Variants in R3HDM1 observed in about 807,000 individuals in gnomAD.
R3HDM1 encodes R3H domain-containing protein 1.
R3HDM1 carries 46 observed loss-of-function variants against 141.1 expected under a neutral mutation model. The ratio of observed to expected loss-of-function variants is 0.33; its 90% CI spans 0.26 to 0.42. The LOEUF (loss-of-function observed/expected upper bound fraction) is 0.42. R3HDM1 is among the 10% of genes least tolerant of loss of function. The pLI is 1.00. For synonymous variants in R3HDM1, 435 were observed against 472.9 expected (o/e 0.92, Z 1.04); for missense variants, 1,184 against 1,368.3 (o/e 0.87, Z 2.12).
intron 1 of R3HDM1, among the ~76,000 whole-genome samples, chr2:135,560,184 T>G (rs1701539669): frequency 6.6e-6 from 1 of 152,204 alleles, no homozygotes. Context: ...TTCTTAGGAT[T>G]TATTAGTAAC....
intron 5 of R3HDM1, among the ~76,000 whole-genome samples, chr2:135,617,971 G>A (rs1018761404): frequency 6.6e-5 from 10 of 152,036 alleles, no homozygotes; most frequent in African/African-American, 2.2e-4. Context: ...ACCCTCAAAA[G>A]CCTATTACAG....
At chr2:135,596,907 C>A in intron 1 of R3HDM1, 1 of 595,026 alleles carries the variant, frequency 1.7e-6, no homozygotes, top group Non-Finnish European at 2.1e-6. Context: ...TAGGGTGTAT[C>A]TACACCAGAA....
chr2:135,538,131 T>C (rs1406808388), intron 1 of R3HDM1, among the ~76,000 whole-genome samples: 1 of 152,266 alleles, frequency 6.6e-6, no homozygotes, highest in Non-Finnish European at 1.5e-5. Context: ...TTATATGATA[T>C]GTATGGCCTG....
At chr2:135,617,606 C>G (rs538500710) in intron 5 of R3HDM1, among the ~76,000 whole-genome samples, 54 of 152,102 alleles carry the variant, frequency 3.6e-4, no homozygotes, top group Admixed American at 7.2e-4. Context: ...TTAGGCAAAC[C>G]ATTTAGTTTG....
intron 6 of R3HDM1, 46 bp from the exon 7 acceptor site, chr2:135,622,608 G>A: frequency 1.3e-6 from 2 of 1,534,688 alleles, no homozygotes; most frequent in Non-Finnish European, 1.8e-6. Flanking sequence ...AATGGGACTT[G>A]TTTTCAAACA....
chr2:135,652,074 CACTT>C, intron 18 of R3HDM1, 42 bp downstream of exon 18: 1 of 1,514,036 alleles, frequency 6.6e-7, no homozygotes, highest in African/African-American at 1.4e-5. Context: ...GGAAACCTCT[CACTT>C]AAGATCAGTT....
intron 1 of R3HDM1, among the ~76,000 whole-genome samples, chr2:135,555,529 A>G (rs1700590824): frequency 1.3e-5 from 2 of 152,186 alleles, no homozygotes; most frequent in African/African-American, 4.8e-5. Context: ...ATAAGTAAAC[A>G]TGAGTTACCC....
chr2:135,623,276 G>A (rs958400), intron 7 of R3HDM1, among the ~76,000 whole-genome samples: 15,774 of 152,036 alleles, frequency 0.1, 2,657 homozygotes, highest in African/African-American at 0.36. Context: ...CATTCTCCCT[G>A]CAAAAATGGC....
chr2:135,614,015 T>G (rs2060786993), intron 3 of R3HDM1, among the ~76,000 whole-genome samples: 1 of 152,238 alleles, frequency 6.6e-6, no homozygotes, highest in Admixed American at 6.5e-5. Context: ...TTGACTTTAG[T>G]AACTAATTCT....
intron 1 of R3HDM1, among the ~76,000 whole-genome samples, chr2:135,585,518 CAG>C (rs1016336014): frequency 2.6e-5 from 4 of 152,162 alleles, no homozygotes; most frequent in Non-Finnish European, 4.4e-5. Context: ...AAATGGGAAA[CAG>C]AGGCACATGC....
At chr2:135,646,509 C>T (rs2064442253) in intron 16 of R3HDM1, among the ~76,000 whole-genome samples, 1 of 151,848 alleles carries the variant, frequency 6.6e-6, no homozygotes, top group Admixed American at 6.6e-5. Flanking sequence ...CCCTGCAAGA[C>T]TCAGTATTCC....
intron 3 of R3HDM1, among the ~76,000 whole-genome samples, chr2:135,611,356 G>A (rs114100315): frequency 0.011 from 1,671 of 152,192 alleles, 16 homozygotes; most frequent in Middle Eastern, 0.044. Flanking sequence ...AGCTGTGATT[G>A]CACCACTGGA....
At chr2:135,625,011 C>T (rs974858670) in intron 7 of R3HDM1, among the ~76,000 whole-genome samples, 14 of 152,160 alleles carry the variant, frequency 9.2e-5, no homozygotes, top group African/African-American at 3.4e-4. Flanking sequence ...TTACTGGAGT[C>T]CTGGAGGTTG....
chr2:135,693,280 C>T (rs2072722396), intron 21 of R3HDM1, among the ~76,000 whole-genome samples: 1 of 151,850 alleles, frequency 6.6e-6, no homozygotes, highest in Non-Finnish European at 1.5e-5. Flanking sequence ...AGCTTGGAGG[C>T]AATACAGAAG....
intron 15 of R3HDM1, 53 bp downstream of exon 15, chr2:135,641,843 T>C: frequency 1.3e-6 from 2 of 1,492,522 alleles, no homozygotes; most frequent in Non-Finnish European, 1.8e-6. Flanking sequence ...TTAAGGATAC[T>C]TATTAAATGT....
At position 135,531,542 on chromosome 2, in the gene R3HDM1, C is replaced by T; in HGVS notation, c.-341C>T. 1.0e-6 allele frequency: 1 copy of T among 985,786 alleles called. No homozygotes were observed. The highest frequency in any genetic ancestry group is 1.2e-6 in the Non-Finnish European group (1 of 830,002). 61.1% of individuals were successfully genotyped at this position (985,786 alleles called of 1,614,324 possible). A position where few individuals can be genotyped will look rare whatever the true frequency, so the allele number is the denominator to read the frequency against. ...GTCCGGGCTGGTGATGGGGTTAATT[C>T]CCTTTCGTAAGACTCTTACTTGCAC... On this transcript the variant is annotated 5_prime_UTR_variant, in exon 1 of 27. Coordinates refer to ENST00000683871, the MANE Select transcript of R3HDM1 (RefSeq NM_001378107.1).
intron 16 of R3HDM1, among the ~76,000 whole-genome samples, chr2:135,647,193 A>G (rs909644401): frequency 4.6e-5 from 7 of 152,148 alleles, no homozygotes; most frequent in African/African-American, 1.7e-4. Context: ...TCCCTTCCCA[A>G]TCCCATTTGG....
intron 18 of R3HDM1, among the ~76,000 whole-genome samples, chr2:135,658,996 C>T (rs2066282797): frequency 6.6e-6 from 1 of 151,514 alleles, no homozygotes; most frequent in Non-Finnish European, 1.5e-5. Context: ...GCTGTCATCT[C>T]CTATGATAAC....
intron 21 of R3HDM1, among the ~76,000 whole-genome samples, chr2:135,682,176 C>T (rs546518417): frequency 1.3e-5 from 2 of 150,826 alleles, no homozygotes; most frequent in East Asian, 1.9e-4. Context: ...ACTTTTTGAA[C>T]CAAAGTTTAA....
Sources: gnomAD v4.1 joint callset for allele counts (sites outside exome capture counted in the v4.1 genomes callset) on GRCh38, gnomAD v4.1.1 for gene constraint, MANE v1.5 for transcripts, NCBI Gene and HGNC (gene_info 2026-07-23, HGNC 2026-07-21) for gene names.